TRPV1: variants seen among roughly 807,000 people sequenced by gnomAD.
TRPV1 encodes OTRPC1.
Under a neutral mutation model 82.3 loss-of-function variants are expected in TRPV1, and 82 were observed. That is an observed-to-expected ratio of 1.00 (90% confidence interval 0.83 to 1.20). The LOEUF (loss-of-function observed/expected upper bound fraction) is 1.20, where lower values mean the gene tolerates loss of function less well. Ranked by LOEUF, TRPV1 falls within the 50% of genes most tolerant of loss-of-function variation. TRPV1 has a pLI of 0.00. For synonymous variants in TRPV1, 515 were observed against 467.7 expected, an observed-to-expected ratio of 1.10 and a Z score of -1.30; for missense variants, 1,067 against 1,096.8, an observed-to-expected ratio of 0.97 and a Z score of 0.38.
At chr17:3,581,873 A>G (rs1410499465) in intron 10 of TRPV1, among the ~76,000 whole-genome samples, 1 of 134,016 alleles carries the variant, frequency 7.5e-6, no homozygotes, top group Non-Finnish European at 1.6e-5. Flanking sequence ...CAACTAAGCG[A>G]GACTCCATCT....
intron 8 of TRPV1, among the ~76,000 whole-genome samples, chr17:3,587,763 G>A (rs2075102110): frequency 2.0e-5 from 3 of 151,714 alleles, no homozygotes; most frequent in Middle Eastern, 3.4e-3. Context: ...CAGTGAGCCG[G>A]GATGGCACCA....
intron 16 of TRPV1, among the ~76,000 whole-genome samples, chr17:3,568,814 C>T (rs376495314): frequency 6.6e-6 from 1 of 151,952 alleles, no homozygotes; most frequent in South Asian, 2.1e-4. Context: ...GACCAAGGTG[C>T]GCAGATCACC....
chr17:3,570,287 T>C (rs2074835400), intron 16 of TRPV1, among the ~76,000 whole-genome samples: 1 of 151,614 alleles, frequency 6.6e-6, no homozygotes, highest in Non-Finnish European at 1.5e-5. Flanking sequence ...GGAGAATCGC[T>C]TGAACCCGGG....
In TRPV1 at chr17:3,580,955, G is replaced by A. The variant is rs146497460; in HGVS notation, c.1477-428C>T. Among the ~76,000 whole-genome samples the A allele has an allele frequency of 2.6e-5, 4 of 151,560 alleles. No homozygotes were observed. The East Asian group carries it at 7.8e-4, about 29-fold the overall frequency. The stretch of plus-strand genomic sequence containing the variant: ...AATCGCTTGAACCCAGGAGGCAGAG[G>A]CTGCAGTGAGCCAAGATCAGGCCAT... On this transcript the variant is annotated intron_variant, in intron 10 of 16. Transcript: ENST00000572705.
intron 8 of TRPV1, 96 bp from the exon 9 acceptor site, chr17:3,586,022 GCA>G (rs1221198510): frequency 1.7e-5 from 25 of 1,479,230 alleles, no homozygotes; most frequent in East Asian, 2.4e-5. Flanking sequence ...CATGTGGCCC[GCA>G]CAGTCCTCAG....
At chr17:3,581,942 G>T (rs1485140435) in intron 10 of TRPV1, among the ~76,000 whole-genome samples, 6 of 146,534 alleles carry the variant, frequency 4.1e-5, no homozygotes, top group African/African-American at 1.3e-4. Flanking sequence ...TGTAATCCCA[G>T]CACTTTGGGA....
At chr17:3,592,570 G>A (rs922113007) in intron 2 of TRPV1, 187 bp from the exon 3 acceptor site, 20 of 637,722 alleles carry the variant, frequency 3.1e-5, no homozygotes, top group Non-Finnish European at 5.3e-5. Flanking sequence ...GGCCTCAGAG[G>A]TGAGCAGGCC....
In TRPV1 at chr17:3,589,955, G is replaced by C. The variant is rs765240158; in HGVS notation, c.896C>G (p.Thr299Arg). The C allele has an allele frequency of 7.0e-6, 11 of 1,565,616 alleles. No individual in the cohort carries two copies. The highest frequency in any genetic ancestry group is 2.7e-5 in the African/African-American group (2 of 73,500). ...LHALVEVADN[T>R]ADNTKFVTSM... ...CGTCACAAACTTCGTGTTGTCGGCC[G>C]TGTTGTCGGCCACCTCCACCAGGGC... Residue 299 changes from threonine to arginine, a missense_variant, in exon 7 of 17, where the codon ACG (threonine) becomes AGG (arginine). Physicochemically the swap from Thr to Arg is moderately conservative, Grantham distance 71. Coordinates refer to ENST00000572705, the MANE Select transcript of TRPV1 (RefSeq NM_080704.4).
intron 7 of TRPV1, chr17:3,588,870 C>G: frequency 1.3e-6 from 2 of 1,486,774 alleles, no homozygotes; most frequent in South Asian, 2.4e-5. Context: ...GCCTCAGATA[C>G]TACCTGCACC....
chr17:3,569,158 C>T (rs1263674733), intron 16 of TRPV1, among the ~76,000 whole-genome samples: 2 of 152,082 alleles, frequency 1.3e-5, no homozygotes, highest in African/African-American at 4.8e-5. Flanking sequence ...AGAAGATATA[C>T]CTAATGTAAA....
At position 3,592,337 on chromosome 17, in the gene TRPV1, C is replaced by T. The variant is rs752854071; in HGVS notation, c.14G>A (p.Ser5Asn). 3 of 1,594,090 alleles carry T rather than the reference C, an allele frequency of 1.9e-6. No homozygotes were observed. The highest frequency in any genetic ancestry group is 1.8e-5 in the Admixed American group (1 of 56,846). The change falls in exon 3 of 17, where the codon AGC becomes AAC. Residue 5 changes from serine to asparagine, a missense_variant. Transcript: ENST00000572705. MKKW[S>N]STDLGAAADP... is the part of the protein sequence containing the mutation. ...CGCAGCTGCCCCCAAGTCTGTGCTGCTCCATTTCTTCATCCTTGCTGGATC... is the reference window on the plus strand; with the variant it reads ...CGCAGCTGCCCCCAAGTCTGTGCTGTTCCATTTCTTCATCCTTGCTGGATC...
chr17:3,591,929 G>A, intron 3 of TRPV1, 138 bp downstream of exon 3: 1 of 1,280,672 alleles, frequency 7.8e-7, no homozygotes, highest in Non-Finnish European at 1.0e-6. Flanking sequence ...CATGAGGAAG[G>A]ACGCTGGACC....
chr17:3,598,781 G>A (rs570506288), intron 2 of TRPV1, among the ~76,000 whole-genome samples: 6 of 150,524 alleles, frequency 4.0e-5, no homozygotes, highest in Non-Finnish European at 8.9e-5. Flanking sequence ...GGTCAGGCCT[G>A]GTCTCAAACT....
Position 3,585,708 on chromosome 17 carries a change from T to C in TRPV1, c.1383+60A>G, listed in dbSNP as rs1204154147. The C allele has an allele frequency of 3.8e-6, 6 of 1,567,074 alleles. No individual in the cohort carries two copies. The Admixed American group carries it at 1.1e-4, about 29-fold the overall frequency. On this transcript the variant is annotated intron_variant, in intron 9 of 16. Transcript: ENST00000572705. The stretch of plus-strand genomic sequence containing the variant: ...GGGGTCGGGGAGGTCTCCCGAAATG[T>C]CCACACCCCTTCCCCACCACCCACA...
At chr17:3,579,754 G>A (rs1473779541) in intron 11 of TRPV1, among the ~76,000 whole-genome samples, 8 of 152,192 alleles carry the variant, frequency 5.3e-5, no homozygotes, top group African/African-American at 1.9e-4. Flanking sequence ...GGGATTACAG[G>A]CGTGAGCCAC....
intron 11 of TRPV1, among the ~76,000 whole-genome samples, chr17:3,579,964 C>T (rs2074984294): frequency 6.6e-6 from 1 of 151,994 alleles, no homozygotes; most frequent in Non-Finnish European, 1.5e-5. Flanking sequence ...GGGGAAGCTC[C>T]AGGCAGCTGC....
chr17:3,568,292 A>C (rs1351675987), intron 16 of TRPV1, among the ~76,000 whole-genome samples: 5 of 150,674 alleles, frequency 3.3e-5, no homozygotes, highest in African/African-American at 9.8e-5. Flanking sequence ...ACTGCACTCC[A>C]GCCTGGGTGA....
At chr17:3,591,823 CA>C (rs2075161879) in intron 3 of TRPV1, among the ~76,000 whole-genome samples, 3 of 152,212 alleles carry the variant, frequency 2.0e-5, no homozygotes, top group Non-Finnish European at 4.4e-5. Context: ...TTTTAGACTT[CA>C]AGTCCAAGTG....
At chr17:3,589,069 T>G (rs2075120342) in intron 7 of TRPV1, 1 of 1,067,220 alleles carries the variant, frequency 9.4e-7, no homozygotes, top group South Asian at 1.4e-5. Flanking sequence ...AAGGATCACT[T>G]GAGGCCAAGA....
Sources: allele counts gnomAD v4.1 joint callset (sites outside exome capture counted in the v4.1 genomes callset), GRCh38; gene constraint gnomAD v4.1.1; transcripts MANE v1.5; gene names NCBI Gene and HGNC (gene_info 2026-07-23, HGNC 2026-07-21).